The following KANSL3 variants were observed in gnomAD, a reference collection of about 807,000 sequenced individuals.
KANSL3 encodes the protein NSL complex protein NSL3.
In KANSL3, 16 loss-of-function variants were observed where a neutral mutation model predicts 89.2. That is an observed-to-expected ratio of 0.18 (90% CI 0.12 to 0.27). KANSL3 has a LOEUF of 0.27. KANSL3 is among the 10% of genes least tolerant of loss of function. KANSL3 has a pLI of 1.00. For synonymous variants in KANSL3, 385 were observed against 419.7 expected, an observed-to-expected ratio of 0.92 and a Z score of 1.01; for missense variants, 879 against 1,110.6, an observed-to-expected ratio of 0.79 and a Z score of 2.96.
In KANSL3 at chr2:96,637,106, G is replaced by T. The variant is rs1183066237; in HGVS notation, c.30C>A (p.Phe10Leu). Residue 10 changes from phenylalanine to leucine, a missense_variant, in exon 2 of 21, where the codon TTC becomes TTA. Physicochemically the swap from Phe to Leu is conservative, Grantham distance 22 (BLOSUM62 0). This residue lies in a region of KANSL3 where 210 missense variants were observed against 311.9 expected (regional missense o/e 0.67). Transcript: ENST00000431828. Reference sequence around the variant, plus strand: ...TGCCCATGCGTCGAGCTGAAGTCTGGAAGTCCCTCTCCCCACCCCGGTGGG... The same window carrying T: ...TGCCCATGCGTCGAGCTGAAGTCTGTAAGTCCCTCTCCCCACCCCGGTGGG... MAHRGGERD[F>L]QTSARRMGTS... 3 of 1,551,544 alleles carry T rather than the reference G, an allele frequency of 1.9e-6. No homozygotes were observed. In the African/African-American group the frequency reaches 4.1e-5, roughly 21 times the overall value.
chr2:96,588,966 T>C (rs943067583), downstream of KANSL3, among the ~76,000 whole-genome samples: 4 of 152,320 alleles, frequency 2.6e-5, no homozygotes, highest in South Asian at 4.1e-4. Context: ...TCAAAGTACA[T>C]AGATAGTTAT....
At chr2:96,620,769 A>G (rs185018171) in intron 3 of KANSL3, among the ~76,000 whole-genome samples, 1 of 152,286 alleles carries the variant, frequency 6.6e-6, no homozygotes, top group East Asian at 1.9e-4. Flanking sequence ...TTGGGAGGCC[A>G]AGTGGAGTGG....
chr2:96,610,958 G>T, intron 10 of KANSL3, 75 bp from the exon 11 acceptor site: 1 of 1,586,194 alleles, frequency 6.3e-7, no homozygotes, highest in African/African-American at 1.3e-5. Context: ...CACTAAGGAG[G>T]ATCAGCCATG....
At chr2:96,605,757 C>A in intron 14 of KANSL3, 1 of 304,470 alleles carries the variant, frequency 3.3e-6, no homozygotes, top group Non-Finnish European at 6.2e-6. Context: ...TCATCCTGCA[C>A]TGGAATCGGA....
chr2:96,635,319 C>T (rs2074090705), intron 2 of KANSL3, among the ~76,000 whole-genome samples: 1 of 152,200 alleles, frequency 6.6e-6, no homozygotes, highest in South Asian at 2.1e-4. Context: ...ATTCTGGCCA[C>T]ACTGGCCTAA....
At chr2:96,581,355 C>T in the KANSL3 span, among the ~76,000 whole-genome samples, 1 of 150,470 alleles carries the variant, frequency 6.6e-6, no homozygotes, top group Non-Finnish European at 1.5e-5. Flanking sequence ...ACCCAGAAGG[C>T]GGAGGTTGCA....
At chr2:96,604,537 CT>C (rs1436216459) in intron 16 of KANSL3, among the ~76,000 whole-genome samples, 157 bp from the exon 17 acceptor site, 1 of 152,186 alleles carries the variant, frequency 6.6e-6, no homozygotes, top group African/African-American at 2.4e-5. Context: ...TACCTGGCCT[CT>C]AGTCTTCTAA....
downstream of KANSL3, among the ~76,000 whole-genome samples, chr2:96,588,666 C>T (rs2066256585): frequency 6.6e-6 from 1 of 152,236 alleles, no homozygotes; most frequent in East Asian, 1.9e-4. Context: ...TCTCGGCTCA[C>T]TGCAACCTCC....
chr2:96,592,176 G>A (rs923456237), downstream of KANSL3, among the ~76,000 whole-genome samples: 1 of 152,088 alleles, frequency 6.6e-6, no homozygotes, highest in Non-Finnish European at 1.5e-5. Context: ...CTACTAAGGA[G>A]GGTAACACGA....
chr2:96,605,209 G>A, intron 15 of KANSL3, 111 bp downstream of exon 15: 1 of 929,130 alleles, frequency 1.1e-6, no homozygotes, highest in Non-Finnish European at 1.6e-6. Context: ...TTTGCTCCGG[G>A]CATCTCTCAA....
rs201841925 is a variant in KANSL3, at chr2:96,631,323, C to A, written c.375G>T (p.Glu125Asp). The change falls in exon 3 of 21, where the codon GAG (glutamate) becomes GAT (aspartate). Residue 125 changes from glutamate to aspartate, a missense_variant. Glu to Asp is a conservative substitution (Grantham distance 45). Around this residue, in one of 6 missense-constraint regions of KANSL3, gnomAD observed 210 missense variants for 311.9 expected, o/e 0.67. Coordinates refer to ENST00000431828, the MANE Select transcript of KANSL3 (RefSeq NM_001115016.3). ...GATGAGCAGCCTACCTGTTGACATG[C>A]TCCTCCCAGTCCTCTGGTGGAGGAG... ...DAPPPPEDWEEHVNRTGWTMA... is the reference protein window; with the variant it reads ...DAPPPPEDWEDHVNRTGWTMA... The A allele has an allele frequency of 2.4e-5, 38 of 1,612,996 alleles. No homozygotes were observed. The East Asian group carries it at 8.5e-4, about 36-fold the overall frequency.
intron 20 of KANSL3, among the ~76,000 whole-genome samples, chr2:96,597,830 T>G (rs866170120): frequency 6.6e-6 from 1 of 152,152 alleles, no homozygotes; most frequent in Non-Finnish European, 1.5e-5. Context: ...TTCGATCTCT[T>G]GACCTCGTGA....
At chr2:96,610,650 G>A in intron 11 of KANSL3, 76 bp downstream of exon 11, 1 of 1,546,352 alleles carries the variant, frequency 6.5e-7, no homozygotes, top group Non-Finnish European at 8.9e-7. Context: ...CTGGTCTGTA[G>A]TTACATTGCC....
intron 5 of KANSL3, 29 bp from the exon 6 acceptor site, chr2:96,613,648 C>G (rs1354890358): frequency 6.2e-7 from 1 of 1,605,936 alleles, no homozygotes; most frequent in Admixed American, 1.7e-5. Flanking sequence ...AAAGATGACT[C>G]CAGTGTAAAG....
chr2:96,621,790 A>G (rs2071330117), intron 3 of KANSL3, among the ~76,000 whole-genome samples: 1 of 152,212 alleles, frequency 6.6e-6, no homozygotes, highest in Non-Finnish European at 1.5e-5. Context: ...ACAAAAAGGC[A>G]GGTCACAAAA....
intron 5 of KANSL3, among the ~76,000 whole-genome samples, chr2:96,617,022 T>C (rs1262515642): frequency 6.6e-6 from 1 of 152,196 alleles, no homozygotes; most frequent in African/African-American, 2.4e-5. Flanking sequence ...TATTCACCAA[T>C]GTTACACTTT....
chr2:96,635,812 G>T (rs531824484), intron 2 of KANSL3, among the ~76,000 whole-genome samples: 3 of 152,072 alleles, frequency 2.0e-5, no homozygotes, highest in Non-Finnish European at 4.4e-5. Flanking sequence ...AACATGGTGG[G>T]TGGAAACCCT....
At chr2:96,619,052 C>T (rs2070755452) in intron 5 of KANSL3, among the ~76,000 whole-genome samples, 1 of 152,210 alleles carries the variant, frequency 6.6e-6, no homozygotes, top group African/African-American at 2.4e-5. Context: ...CTGGTAAACC[C>T]TTCGTCTCCT....
chr2:96,593,931 C>T lies in KANSL3; in HGVS notation c.*1680G>A, dbSNP rs2066370953. The T allele has an allele frequency of 6.6e-6, 1 of 152,556 alleles. No homozygotes were observed. Among genetic ancestry groups the T allele is most frequent in the African/African-American group, 2.4e-5 (1 of 41,442 alleles). 9.5% of individuals were successfully genotyped at this position (152,556 alleles called of 1,614,324 possible). A position where few individuals can be genotyped will look rare whatever the true frequency, so the allele number is the denominator to read the frequency against. ...CTGAATTTAAGAATTTTGAGAAAGT[C>T]ACCTACCAGCTAATGCAAAAACACA... On this transcript the variant is annotated 3_prime_UTR_variant, in exon 21 of 21. Coordinates refer to ENST00000431828, the MANE Select transcript of KANSL3 (RefSeq NM_001115016.3).
Sources: gnomAD v4.1 joint callset for allele counts (sites outside exome capture counted in the v4.1 genomes callset) on GRCh38, gnomAD v4.1.1 for gene constraint, gnomAD v4.1.1 regional missense constraint, MANE v1.5 for transcripts, NCBI Gene and HGNC (gene_info 2026-07-23, HGNC 2026-07-21) for gene names.